EBF1: variants seen among roughly 807,000 people sequenced by gnomAD.
EBF1 encodes the protein transcription factor COE1.
EBF1 carries 10 observed loss-of-function variants against 68.4 expected under a neutral mutation model. That is an observed-to-expected ratio of 0.15 (90% CI 0.09 to 0.25). The LOEUF (loss-of-function observed/expected upper bound fraction) is 0.25, where lower values mean the gene tolerates loss of function less well. Ranked by LOEUF, EBF1 falls within the 10% of genes least tolerant of loss-of-function variation. The probability of loss-of-function intolerance (pLI) is 1.00; values close to 1 mark genes in which losing one functional copy is unlikely to be tolerated. For missense variants in EBF1, 509 were observed against 794.4 expected, an observed-to-expected ratio of 0.64 and a Z score of 4.32; for synonymous variants, 298 against 299.8, an observed-to-expected ratio of 0.99 and a Z score of 0.06.
chr5:158,912,031 T>C (rs1806101071), intron 6 of EBF1, among the ~76,000 whole-genome samples: 1 of 152,194 alleles, frequency 6.6e-6, no homozygotes. Context: ...GGGTGAGTAA[T>C]GACAGTTTCA....
At chr5:159,033,617 G>A (rs776529163) in intron 6 of EBF1, among the ~76,000 whole-genome samples, 1 of 152,236 alleles carries the variant, frequency 6.6e-6, no homozygotes, top group Non-Finnish European at 1.5e-5. Flanking sequence ...TGAATGTCAT[G>A]TAGTTGTGCC....
At chr5:158,850,875 C>T (rs749904294) in intron 6 of EBF1, among the ~76,000 whole-genome samples, 52 of 151,198 alleles carry the variant, frequency 3.4e-4, no homozygotes, top group East Asian at 3.9e-4. Context: ...GGCATGGTGG[C>T]GGGCACCTGA....
chr5:158,824,549 G>A (rs139882318), intron 7 of EBF1, among the ~76,000 whole-genome samples: 5 of 152,348 alleles, frequency 3.3e-5, no homozygotes, highest in East Asian at 3.9e-4. Flanking sequence ...AAAGACTCTC[G>A]CTTTAATTGT....
At chr5:158,720,800 C>T (rs1048891777) in intron 11 of EBF1, among the ~76,000 whole-genome samples, 1 of 152,106 alleles carries the variant, frequency 6.6e-6, no homozygotes, top group East Asian at 1.9e-4. Context: ...AAAGGAGGAA[C>T]ATAAATGAGG....
At chr5:158,732,550 C>A (rs1764312587) in intron 10 of EBF1, among the ~76,000 whole-genome samples, 1 of 151,830 alleles carries the variant, frequency 6.6e-6, no homozygotes, top group Non-Finnish European at 1.5e-5. Context: ...AGGAAATAAA[C>A]CTTAAAATTC....
At chr5:158,877,152 C>A (rs1160845272) in intron 6 of EBF1, among the ~76,000 whole-genome samples, 1 of 151,910 alleles carries the variant, frequency 6.6e-6, no homozygotes. Context: ...TCCAAGCCCA[C>A]AGTTCCAAGC....
At chr5:158,875,620 C>T (rs1797676402) in intron 6 of EBF1, among the ~76,000 whole-genome samples, 1 of 152,136 alleles carries the variant, frequency 6.6e-6, no homozygotes, top group Non-Finnish European at 1.5e-5. Flanking sequence ...ATGAGCAATG[C>T]CTAAGTTCTG....
chr5:158,929,218 T>C (rs1029288130), intron 6 of EBF1, among the ~76,000 whole-genome samples: 2 of 152,158 alleles, frequency 1.3e-5, no homozygotes, highest in African/African-American at 4.8e-5. Flanking sequence ...GGTCCACAGA[T>C]GAATCGCGTG....
intron 6 of EBF1, among the ~76,000 whole-genome samples, chr5:158,948,403 G>C (rs1481248183): frequency 6.6e-6 from 1 of 152,146 alleles, no homozygotes; most frequent in Non-Finnish European, 1.5e-5. Flanking sequence ...TGTAGCAGGG[G>C]CATTATTCAA....
intron 6 of EBF1, among the ~76,000 whole-genome samples, chr5:158,989,934 G>C (rs1759941233): frequency 2.0e-5 from 3 of 152,076 alleles, no homozygotes; most frequent in Admixed American, 2.0e-4. Context: ...TCTTGGCAGG[G>C]GGAATAAAAC....
chr5:158,957,464 C>T (rs1328389393), intron 6 of EBF1, among the ~76,000 whole-genome samples: 5 of 152,194 alleles, frequency 3.3e-5, no homozygotes, highest in Non-Finnish European at 7.3e-5. Context: ...GATGCTGAAT[C>T]AACAGTTGTA....
chr5:158,962,431 A>G (rs532620999), intron 6 of EBF1, among the ~76,000 whole-genome samples: 13 of 152,160 alleles, frequency 8.5e-5, no homozygotes, highest in Non-Finnish European at 1.5e-4. Flanking sequence ...GGCCAAACGA[A>G]ACGCTTCCCC....
chr5:158,891,644 G>A (rs1288605353), intron 6 of EBF1, among the ~76,000 whole-genome samples: 1 of 152,036 alleles, frequency 6.6e-6, no homozygotes, highest in Non-Finnish European at 1.5e-5. Flanking sequence ...ATGTCTATGT[G>A]TATATATGTG....
chr5:158,759,809 T>C (rs1326917443), intron 10 of EBF1, among the ~76,000 whole-genome samples: 2 of 152,118 alleles, frequency 1.3e-5, no homozygotes, highest in Non-Finnish European at 2.9e-5. Context: ...TACAGGTGTC[T>C]TGGGGGCAAG....
rs948029225 is a variant in EBF1 at position 158,978,730 on chromosome 5, A to G, written c.554+94666T>C. On this transcript the variant is annotated intron_variant, in intron 6 of 15. Transcript: ENST00000313708. Reference sequence around the variant, plus strand: ...TAATAGGCTTGATTAAGGAAAGACTATTGTTTGATTTTTCTTTGGGGGTTT... The same window carrying G: ...TAATAGGCTTGATTAAGGAAAGACTGTTGTTTGATTTTTCTTTGGGGGTTT... Among the ~76,000 whole-genome samples the G allele has an allele frequency of 4.6e-5, 7 of 151,818 alleles. No individual in the cohort carries two copies. The East Asian group carries it at 1.2e-3, about 25-fold the overall frequency.
At chr5:159,000,580 C>T (rs1259694934) in intron 6 of EBF1, among the ~76,000 whole-genome samples, 1 of 152,188 alleles carries the variant, frequency 6.6e-6, no homozygotes, top group Admixed American at 6.6e-5. Flanking sequence ...AAACTATTGA[C>T]AGCAGGTGTT....
At chr5:158,962,672 A>G (rs1561641168) in intron 6 of EBF1, among the ~76,000 whole-genome samples, 2 of 152,218 alleles carry the variant, frequency 1.3e-5, no homozygotes, top group Admixed American at 6.5e-5. Flanking sequence ...TTTAAAGCCT[A>G]CAAAGCCCAT....
At chr5:158,964,696 G>C (rs1314641711) in intron 6 of EBF1, among the ~76,000 whole-genome samples, 1 of 152,016 alleles carries the variant, frequency 6.6e-6, no homozygotes, top group African/African-American at 2.4e-5. Context: ...AGCTTGGAAG[G>C]ACCCAAAACA....
At chr5:158,815,588 T>A (rs1783562337) in intron 8 of EBF1, among the ~76,000 whole-genome samples, 1 of 152,198 alleles carries the variant, frequency 6.6e-6, no homozygotes, top group African/African-American at 2.4e-5. Flanking sequence ...CTGGTTACTG[T>A]CAAGTATGGC....
Sources: gnomAD v4.1 joint callset for allele counts (sites outside exome capture counted in the v4.1 genomes callset) on GRCh38, gnomAD v4.1.1 for gene constraint, MANE v1.5 for transcripts, NCBI Gene and HGNC (gene_info 2026-07-23, HGNC 2026-07-21) for gene names.